Variants in AHRR observed in about 807,000 individuals in gnomAD.
AHRR encodes ahR repressor.
A neutral mutation model predicts 44.0 loss-of-function variants in AHRR; 28 were observed. That is an observed-to-expected ratio of 0.64 (90% CI 0.47 to 0.87). The LOEUF (loss-of-function observed/expected upper bound fraction) is 0.87, where lower values mean the gene tolerates loss of function less well. AHRR is among the 40% of genes least tolerant of loss of function. The pLI, the probability that AHRR is intolerant of heterozygous loss-of-function variation, is 0.00. For synonymous variants in AHRR, 434 were observed against 407.0 expected, an observed-to-expected ratio of 1.07 and a Z score of -0.80; for missense variants, 990 against 953.9, an observed-to-expected ratio of 1.04 and a Z score of -0.50.
At position 343,807 on chromosome 5, in the gene AHRR, G is replaced by A. The variant is rs540499564; in HGVS notation, c.-10-86G>A. On this transcript the variant is annotated intron_variant, in intron 1 of 10. Transcript: ENST00000684583. Reference sequence around the variant, plus strand: ...GGGGTCGCGGGTGTGGGGGCGCCAGGACCGCGCTGAGGGGCCCGGGGCATC... The same window carrying A: ...GGGGTCGCGGGTGTGGGGGCGCCAGAACCGCGCTGAGGGGCCCGGGGCATC... 16 of 1,419,698 alleles carry A rather than the reference G, an allele frequency of 1.1e-5. No homozygotes were observed. The Admixed American group carries it at 2.5e-4, about 22-fold the overall frequency. 87.9% of individuals were successfully genotyped at this position (1,419,698 alleles called of 1,614,324 possible). A position where few individuals can be genotyped will look rare whatever the true frequency, so the allele number is the denominator to read the frequency against.
In AHRR at chr5:347,533, A is replaced by G. The variant is rs147507763; in HGVS notation, c.62+3569A>G. Reference sequence around the variant, plus strand: ...TTTAAGCACTTGGGGAAGAAAGAGGAAAAAAGAGGGAAAAAAGAAAACCAG... The same window carrying G: ...TTTAAGCACTTGGGGAAGAAAGAGGGAAAAAGAGGGAAAAAAGAAAACCAG... On this transcript the variant is annotated intron_variant, in intron 2 of 10. Transcript: ENST00000684583. Among the ~76,000 whole-genome samples the G allele has an allele frequency of 8.1e-3, 1,233 of 152,324 alleles. 16 individuals are homozygous for G. Among genetic ancestry groups the G allele is most frequent in the African/African-American group, 0.024 (1,016 of 41,558 alleles).
At chr5:359,510 G>C (rs1023245715) in intron 3 of AHRR, among the ~76,000 whole-genome samples, 6 of 152,110 alleles carry the variant, frequency 3.9e-5, no homozygotes, top group Non-Finnish European at 8.8e-5. Context: ...GCTGTGTAGA[G>C]AAGTGTGGAG....
In AHRR at chr5:424,305, G is replaced by A. The variant is rs368467425; in HGVS notation, c.708+328G>A. On this transcript the variant is annotated intron_variant, in intron 7 of 10. Transcript: ENST00000684583. ...TGATGGTGTGGGGGCTTTAACCCAC[G>A]TGTCTCTGGTGGGTGGGAGAGGGCT... 1.1e-4 allele frequency among the ~76,000 whole-genome samples: 16 copies of A among 147,130 alleles called. 1 individual carries two copies. The highest frequency in any genetic ancestry group is 3.5e-4 in the African/African-American group (14 of 39,516).
intron 4 of AHRR, among the ~76,000 whole-genome samples, chr5:400,014 C>T (rs1204137762): frequency 1.3e-5 from 2 of 152,214 alleles, no homozygotes; most frequent in African/African-American, 4.8e-5. Context: ...GATCTGCCTC[C>T]AGGAGGCCGG....
chr5:404,110 G>A lies in AHRR; in HGVS notation c.352-9234G>A. On this transcript the variant is annotated intron_variant, in intron 4 of 10. Coordinates refer to ENST00000684583, the MANE Select transcript of AHRR (RefSeq NM_001377236.1). This position sits in a 1 kb window ranked among gnomAD's most constrained non-coding sequence, Gnocchi z 4.1. ...CAGTTCCGTTGTCAGGGTTGGTCCAGGTTTGGGGTTACCCTTCTCCGTCTC... is the reference window on the plus strand; with the variant it reads ...CAGTTCCGTTGTCAGGGTTGGTCCAAGTTTGGGGTTACCCTTCTCCGTCTC... 1 of 581,946 alleles carries A rather than the reference G, an allele frequency of 1.7e-6. No individual in the cohort carries two copies. The highest frequency in any genetic ancestry group is 3.3e-6 in the Non-Finnish European group (1 of 305,946). 36.0% of individuals were successfully genotyped at this position (581,946 alleles called of 1,614,324 possible).
At chr5:378,023 T>C (rs1733814907) in intron 4 of AHRR, among the ~76,000 whole-genome samples, 1 of 152,236 alleles carries the variant, frequency 6.6e-6, no homozygotes, top group Non-Finnish European at 1.5e-5. Context: ...CTCAGTCCAC[T>C]GCATCTGGTT....
intron 2 of AHRR, among the ~76,000 whole-genome samples, chr5:351,320 TACTC>T (rs1192638861): frequency 6.6e-6 from 1 of 152,210 alleles, no homozygotes; most frequent in Non-Finnish European, 1.5e-5. Context: ...ACTGCACCGA[TACTC>T]ACGGCAGCCA....
intron 4 of AHRR, among the ~76,000 whole-genome samples, chr5:378,260 A>G (rs1479352419): frequency 6.6e-6 from 1 of 152,322 alleles, no homozygotes; most frequent in South Asian, 2.1e-4. Context: ...ACTGAAAAAA[A>G]GGGGAGGTTT....
At chr5:368,717 CCT>C (rs1030639526) in intron 3 of AHRR, among the ~76,000 whole-genome samples, 1 of 152,240 alleles carries the variant, frequency 6.6e-6, no homozygotes, top group African/African-American at 2.4e-5. Context: ...GCAGAGCCCC[CCT>C]GAGGCCCCCG....
chr5:414,143 G>A (rs1318889613), intron 5 of AHRR, among the ~76,000 whole-genome samples: 11 of 152,228 alleles, frequency 7.2e-5, no homozygotes, highest in South Asian at 6.2e-4. Flanking sequence ...TGCACCCGTA[G>A]TCCCAGCTAC....
At chr5:328,733 GT>G (rs770891024) in intron 1 of AHRR, among the ~76,000 whole-genome samples, 1 of 152,146 alleles carries the variant, frequency 6.6e-6, no homozygotes, top group East Asian at 1.9e-4. Context: ...GATCACTTGG[GT>G]TTTTTTGTTG....
chr5:434,886 C>T lies in AHRR; in HGVS notation c.*52C>T, dbSNP rs1058336. On this transcript the variant is annotated 3_prime_UTR_variant, in exon 11 of 11. Coordinates refer to ENST00000684583, the MANE Select transcript of AHRR (RefSeq NM_001377236.1). The stretch of plus-strand genomic sequence containing the variant: ...TCTGTGTGTCTACGCTCAGATGCGT[C>T]GGTGGCTGGGCTGCCCTGCTCCTGG... The T allele has an allele frequency of 0.17, 261,450 of 1,494,104 alleles. 25,589 individuals carry two copies. Among genetic ancestry groups the T allele is most frequent in the Non-Finnish European group, 0.2 (224,588 of 1,115,064 alleles). 92.6% of individuals were successfully genotyped at this position (1,494,104 alleles called of 1,614,324 possible). A position where few individuals can be genotyped will look rare whatever the true frequency, so the allele number is the denominator to read the frequency against.
chr5:351,543 G>A (rs937275963), intron 2 of AHRR, among the ~76,000 whole-genome samples: 8 of 152,168 alleles, frequency 5.3e-5, no homozygotes, highest in African/African-American at 1.7e-4. Context: ...CATGCCTTTA[G>A]TAGGAGGGTC....
rs757913314 is a variant in AHRR, at chr5:427,607, A to G, written c.709-200A>G. 4 of 1,611,498 alleles carry G rather than the reference A, an allele frequency of 2.5e-6. No individual in the cohort carries two copies. The South Asian group carries it at 3.3e-5, about 13-fold the overall frequency. ...ACTGGGAGTGGGGGATGGTTTCAGG[A>G]TGATTCAAGCACATCGAATCACTCT... On this transcript the variant is annotated intron_variant, in intron 7 of 10. Transcript: ENST00000684583.
chr5:368,428 CCAGCACAGTGTTT>C (rs61633904), intron 3 of AHRR, among the ~76,000 whole-genome samples: 15,682 of 152,244 alleles, frequency 0.1, 2,587 homozygotes, highest in African/African-American at 0.35. Context: ...TTAAACAGCA[CCAGCACAGTGTTT>C]TGGGTTTTGT....
At position 360,218 on chromosome 5, in the gene AHRR, C is replaced by T. The variant is rs575339489; in HGVS notation, c.244+6307C>T. The stretch of plus-strand genomic sequence containing the variant: ...TGTCCCTCTCTGTGCTGAACACCCC[C>T]CAAAGAAAGGCTGTGAGAGAACACA... On this transcript the variant is annotated intron_variant, in intron 3 of 10. Transcript: ENST00000684583. Among the ~76,000 whole-genome samples the T allele has an allele frequency of 1.3e-4, 20 of 152,228 alleles. No homozygotes were observed. In the South Asian group the frequency reaches 3.7e-3, roughly 28 times the overall value.
chr5:429,241 G>A (rs763750525), intron 8 of AHRR, among the ~76,000 whole-genome samples: 1 of 151,390 alleles, frequency 6.6e-6, no homozygotes, highest in Non-Finnish European at 1.5e-5. Context: ...TCAGAGAATC[G>A]TGCAGGAGTG....
rs1737069839 is a variant in AHRR, at chr5:436,412, T to C, written c.*1578T>C. The C allele has an allele frequency of 6.6e-6, 1 of 152,392 alleles. No individual in the cohort carries two copies. The highest frequency in any genetic ancestry group is 2.4e-5 in the African/African-American group (1 of 41,450). 9.4% of individuals were successfully genotyped at this position (152,392 alleles called of 1,614,324 possible). On this transcript the variant is annotated 3_prime_UTR_variant, in exon 11 of 11. Transcript: ENST00000684583. ...CCATTTGTTAAACGCACCTTCACTT[T>C]GTCAAAACCCAGGTTTGGTTGGCAG...
At chr5:401,178 G>A (rs111346718) in intron 4 of AHRR, among the ~76,000 whole-genome samples, 216 of 152,260 alleles carry the variant, frequency 1.4e-3, no homozygotes, top group African/African-American at 5.1e-3. Flanking sequence ...TGCACCCCAC[G>A]TCATCTCACC....
Sources: allele counts gnomAD v4.1 joint callset (sites outside exome capture counted in the v4.1 genomes callset), GRCh38; gene constraint gnomAD v4.1.1; non-coding constraint Gnocchi (gnomAD v3.1); transcripts MANE v1.5; gene names NCBI Gene and HGNC (gene_info 2026-07-23, HGNC 2026-07-21).